Variants in SAMMSON observed in about 807,000 individuals in gnomAD.
The protein encoded by SAMMSON is long intergenic non-protein coding RNA 1212.
chr3:70,182,909 A>AT (rs34350951), intron 4 of SAMMSON, among the ~76,000 whole-genome samples: 103,629 of 151,816 alleles, frequency 0.68, 37,185 homozygotes, highest in Non-Finnish European at 0.79. Context: ...GACTAATTGG[A>AT]TTTTTTTTGT....
intron 6 of SAMMSON, among the ~76,000 whole-genome samples, chr3:70,260,493 T>A (rs567647785): frequency 2.6e-5 from 4 of 152,120 alleles, no homozygotes; most frequent in Non-Finnish European, 5.9e-5. Context: ...AACAGCCCCA[T>A]TCCCTATCAT....
chr3:70,022,426 C>CAAAAAAAAAAAAAAAAAAAAAAAAAAA (rs60455629), intron 3 of SAMMSON, among the ~76,000 whole-genome samples: 1 of 91,126 alleles, frequency 1.1e-5, no homozygotes, highest in Non-Finnish European at 2.2e-5. Flanking sequence ...AGTATAATAA[C>CAAAAAAAAAAAAAAAAAAAAAAAAAAA]AAAAAAAAAA....
intron 3 of SAMMSON, among the ~76,000 whole-genome samples, chr3:70,056,439 C>T (rs1045876820): frequency 1.3e-5 from 2 of 151,946 alleles, no homozygotes; most frequent in East Asian, 1.9e-4. Flanking sequence ...ATCAACCGTT[C>T]GGCTACCTTT....
chr3:70,417,049 G>C (rs573611065), intron 2 of SAMMSON, among the ~76,000 whole-genome samples: 5 of 152,086 alleles, frequency 3.3e-5, no homozygotes, highest in African/African-American at 1.2e-4. Context: ...TGTTGAGCCC[G>C]GACCTCAGAA....
intron 7 of SAMMSON, among the ~76,000 whole-genome samples, chr3:70,331,546 G>A (rs1702621552): frequency 6.6e-6 from 1 of 152,168 alleles, no homozygotes; most frequent in Non-Finnish European, 1.5e-5. Context: ...AGATAAGGAA[G>A]AAAATTCAAG....
At chr3:70,254,461 A>G (rs1701796523) in intron 6 of SAMMSON, among the ~76,000 whole-genome samples, 2 of 152,196 alleles carry the variant, frequency 1.3e-5, no homozygotes, top group South Asian at 4.1e-4. Flanking sequence ...AGGGCGTAAA[A>G]GAAAAATAGA....
rs563941965 is a variant in SAMMSON at position 70,039,804 on chromosome 3, G to A, written n.417+26132G>A. Among the ~76,000 whole-genome samples the A allele has an allele frequency of 1.2e-3, 177 of 152,104 alleles. 1 individual carries two copies. Among genetic ancestry groups the A allele is most frequent in the African/African-American group, 4.1e-3 (170 of 41,520 alleles). On this transcript the variant is annotated intron_variant and non_coding_transcript_variant, in intron 3 of 9. Transcript: ENST00000642114. ...CTGCAGCAACTGGGTGCACCAGCAA[G>A]GAACAGGAATCTTGGTGGAGTGCCA...
intron 3 of SAMMSON, among the ~76,000 whole-genome samples, chr3:70,038,320 T>C (rs1576104806): frequency 1.3e-5 from 2 of 152,254 alleles, no homozygotes; most frequent in African/African-American, 4.8e-5. Flanking sequence ...TAAAATAATC[T>C]GGCTTCCTTT....
At chr3:70,053,225 G>A (rs1211356149) in intron 3 of SAMMSON, among the ~76,000 whole-genome samples, 1 of 152,100 alleles carries the variant, frequency 6.6e-6, no homozygotes, top group East Asian at 1.9e-4. Context: ...CATTGTAGTG[G>A]TTAAATAGCA....
intron 4 of SAMMSON, among the ~76,000 whole-genome samples, chr3:70,175,564 G>A (rs1206569648): frequency 6.6e-6 from 1 of 151,996 alleles, no homozygotes. Flanking sequence ...GGACATATGT[G>A]AGCTGATCCA....
intron 9 of SAMMSON, among the ~76,000 whole-genome samples, chr3:70,369,702 A>G (rs1702950512): frequency 6.6e-6 from 1 of 151,830 alleles, no homozygotes; most frequent in South Asian, 2.1e-4. Context: ...TAATATTTGT[A>G]CATACTTATG....
rs534560721 is a variant in SAMMSON, at chr3:70,192,622, C to G, written n.508-56485C>G. Among the ~76,000 whole-genome samples the G allele has an allele frequency of 2.0e-4, 31 of 152,330 alleles. No homozygotes were observed. In the South Asian group the frequency reaches 6.2e-3, roughly 31 times the overall value. On this transcript the variant is annotated intron_variant and non_coding_transcript_variant, in intron 4 of 9. Coordinates refer to ENST00000642114, the Ensembl canonical transcript of SAMMSON. ...GCTGAAGGTTCATCACTTCTGTTGA[C>G]TCCTTCTCAAAACGTGGAGTCTTTA... is the stretch of plus-strand genomic sequence containing the variant.
At chr3:70,030,954 A>G (rs2067063453) in intron 3 of SAMMSON, among the ~76,000 whole-genome samples, 1 of 152,210 alleles carries the variant, frequency 6.6e-6, no homozygotes, top group South Asian at 2.1e-4. Context: ...GGTGAGGCGT[A>G]AAATTGTACA....
At chr3:70,221,317 T>G (rs988373677) in intron 4 of SAMMSON, among the ~76,000 whole-genome samples, 1 of 152,174 alleles carries the variant, frequency 6.6e-6, no homozygotes, top group African/African-American at 2.4e-5. Context: ...TCATTTAATC[T>G]TCACAAAAAC....
At chr3:70,370,601 A>G (rs1175776639) in intron 9 of SAMMSON, among the ~76,000 whole-genome samples, 1 of 151,868 alleles carries the variant, frequency 6.6e-6, no homozygotes, top group African/African-American at 2.4e-5. Flanking sequence ...CCATTTGTAT[A>G]TCTTCTTTTG....
At chr3:70,196,406 T>C (rs933039269) in intron 4 of SAMMSON, among the ~76,000 whole-genome samples, 1 of 152,162 alleles carries the variant, frequency 6.6e-6, no homozygotes, top group Non-Finnish European at 1.5e-5. Flanking sequence ...TACATATAAG[T>C]GAATTTTAAG....
At chr3:70,337,054 A>C (rs949996165) in intron 7 of SAMMSON, among the ~76,000 whole-genome samples, 5 of 82,364 alleles carry the variant, frequency 6.1e-5, no homozygotes, top group African/African-American at 1.7e-4. Context: ...TAATATTATT[A>C]TTATTAATAA....
At chr3:70,339,869 G>A (rs1056743057) in intron 7 of SAMMSON, among the ~76,000 whole-genome samples, 2 of 152,014 alleles carry the variant, frequency 1.3e-5, no homozygotes, top group Admixed American at 6.6e-5. Flanking sequence ...ATCTAGAACT[G>A]GAAATACCAT....
chr3:70,125,036 C>T, intron 4 of SAMMSON: 1 of 739,942 alleles, frequency 1.4e-6, no homozygotes. Context: ...TTGAAAGATA[C>T]AGGATTCAAA....
Sources: allele counts gnomAD v4.1 joint callset (sites outside exome capture counted in the v4.1 genomes callset), GRCh38; gene constraint gnomAD v4.1.1; transcripts MANE v1.5; gene names NCBI Gene and HGNC (gene_info 2026-07-23, HGNC 2026-07-21).